CACNA1C: variants seen among roughly 807,000 people sequenced by gnomAD.
CACNA1C encodes the protein voltage-dependent L-type calcium channel subunit alpha-1C.
In CACNA1C, 30 loss-of-function variants were observed where a neutral mutation model predicts 229.0. The ratio of observed to expected loss-of-function variants is 0.13; its 90% CI spans 0.10 to 0.18. The LOEUF is 0.18. Among genes scored for constraint, CACNA1C ranks in the 10% least tolerant of loss-of-function variants. The pLI is 1.00. For missense variants in CACNA1C, 1,658 were observed against 2,845.0 expected (o/e 0.58, Z 9.49); for synonymous variants, 1,114 against 1,132.5 (o/e 0.98, Z 0.33).
intron 1 of CACNA1C, among the ~76,000 whole-genome samples, chr12:2,058,200 G>C (rs1594619654): frequency 6.6e-6 from 1 of 152,262 alleles, no homozygotes; most frequent in Non-Finnish European, 1.5e-5. Context: ...GAAGGGGTGA[G>C]TGGCTGGCAG....
intron 9 of CACNA1C, among the ~76,000 whole-genome samples, chr12:2,530,872 CTG>C (rs915981791): frequency 2.8e-4 from 43 of 152,334 alleles, no homozygotes; most frequent in Middle Eastern, 3.4e-3. Context: ...ACACGGCTAA[CTG>C]TGACATCTTT....
chr12:2,208,204 G>A (rs2097810234), intron 3 of CACNA1C, among the ~76,000 whole-genome samples: 1 of 152,174 alleles, frequency 6.6e-6, no homozygotes, highest in Non-Finnish European at 1.5e-5. Flanking sequence ...AGCGGAAAAC[G>A]TAGCATGATG....
chr12:2,351,730 G>A (rs974812723), intron 3 of CACNA1C, among the ~76,000 whole-genome samples: 1 of 152,222 alleles, frequency 6.6e-6, no homozygotes, highest in Non-Finnish European at 1.5e-5. Flanking sequence ...GCACGCCTGT[G>A]TCCTGGCTTA....
intron 1 of CACNA1C, chr12:2,010,877 G>C (rs1242832592): frequency 6.6e-6 from 1 of 152,140 alleles, no homozygotes; most frequent in Non-Finnish European, 1.5e-5. Flanking sequence ...GGTCGGGCAC[G>C]GTGGCTCACG....
intron 3 of CACNA1C, among the ~76,000 whole-genome samples, chr12:2,343,874 A>G (rs1593424654): frequency 6.6e-6 from 1 of 152,178 alleles, no homozygotes; most frequent in African/African-American, 2.4e-5. Context: ...CACACCAAAT[A>G]AGGGTCTGTT....
intron 29 of CACNA1C, among the ~76,000 whole-genome samples, chr12:2,619,521 TA>T (rs1387973418): frequency 6.6e-6 from 1 of 152,214 alleles, no homozygotes; most frequent in Non-Finnish European, 1.5e-5. Flanking sequence ...CACCATGAAA[TA>T]ACTTTAAGGC....
At chr12:2,547,411 G>T (rs1347252793) in intron 9 of CACNA1C, 1 of 778,800 alleles carries the variant, frequency 1.3e-6, no homozygotes, top group Admixed American at 1.7e-5. Flanking sequence ...TTGATGTCTT[G>T]TTCCTGGTTC....
rs921032597 is a variant in CACNA1C, at chr12:2,679,750, C to T, written c.5398C>T (p.Pro1800Ser). ...GGAGGGCCACGGGCCCCCCTTGTCC[C>T]CTGCCATCCGGGTGCAGGAGGTGGC... ...TVEGHGPPLS[P>S]AIRVQEVAWK... Residue 1800 changes from proline (P) to serine (S), a missense_variant, in exon 42 of 47, where the codon CCT becomes TCT. Physicochemically the swap from Pro to Ser is moderately conservative, Grantham distance 74. Transcript: ENST00000399655. The surrounding 1 kb of genome is among the most constrained non-coding windows in gnomAD (Gnocchi z 5.5). 50 of 1,596,908 alleles carry T rather than the reference C, an allele frequency of 3.1e-5. No homozygotes were observed. The highest frequency in any genetic ancestry group is 4.2e-5 in the Non-Finnish European group (49 of 1,171,334).
intron 3 of CACNA1C, among the ~76,000 whole-genome samples, chr12:2,359,797 C>G (rs991299099): frequency 1.3e-5 from 2 of 152,044 alleles, no homozygotes; most frequent in Non-Finnish European, 2.9e-5. Flanking sequence ...TGGCTTCCCA[C>G]TACCAGGGAA....
At chr12:2,284,391 G>T (rs1241132992) in intron 3 of CACNA1C, among the ~76,000 whole-genome samples, 1 of 151,926 alleles carries the variant, frequency 6.6e-6, no homozygotes, top group Non-Finnish European at 1.5e-5. Flanking sequence ...TACACAAGCG[G>T]CTGCTGCCAA....
intron 1 of CACNA1C, among the ~76,000 whole-genome samples, chr12:2,091,535 G>T (rs1319508682): frequency 6.6e-6 from 1 of 152,214 alleles, no homozygotes; most frequent in Non-Finnish European, 1.5e-5. Context: ...CCTGCAAAGA[G>T]AACAATGTAG....
intron 4 of CACNA1C, among the ~76,000 whole-genome samples, chr12:2,453,246 C>G (rs541968486): frequency 2.6e-5 from 4 of 152,178 alleles, no homozygotes; most frequent in Admixed American, 1.3e-4. Flanking sequence ...TCGCTCAGCC[C>G]TGCCTGGCCC....
intron 9 of CACNA1C, among the ~76,000 whole-genome samples, chr12:2,530,650 T>G (rs1319894473): frequency 6.6e-6 from 1 of 152,136 alleles, no homozygotes; most frequent in African/African-American, 2.4e-5. Context: ...TTAAAACAAA[T>G]TCAAGGGGGC....
chr12:2,100,279 C>G (rs937701333), intron 1 of CACNA1C, among the ~76,000 whole-genome samples: 2 of 151,696 alleles, frequency 1.3e-5, no homozygotes, highest in African/African-American at 4.8e-5. Flanking sequence ...AATCCCATCT[C>G]TAGTAAAAAT....
chr12:2,566,806 C>T lies in CACNA1C; in HGVS notation c.1669+224C>T, dbSNP rs932014091. ...GACACGGCTCTCCTGACTGGGCCCACACCATCAGCCTGCCCCAAAGTCACT... is the reference window on the plus strand; with the variant it reads ...GACACGGCTCTCCTGACTGGGCCCATACCATCAGCCTGCCCCAAAGTCACT... On this transcript the variant is annotated intron_variant, in intron 12 of 46. Coordinates refer to ENST00000399655, the MANE Select transcript of CACNA1C (RefSeq NM_000719.7). The surrounding 1 kb of genome is among the most constrained non-coding windows in gnomAD (Gnocchi z 4.0). Among the ~76,000 whole-genome samples the T allele has an allele frequency of 6.6e-6, 1 of 152,332 alleles. No homozygotes were observed. Among genetic ancestry groups the T allele is most frequent in the South Asian group, 2.1e-4 (1 of 4,828 alleles).
intron 3 of CACNA1C, among the ~76,000 whole-genome samples, chr12:2,437,744 G>GTAGA: frequency 6.6e-6 from 1 of 151,766 alleles, no homozygotes. Flanking sequence ...GGTGGTAATG[G>GTAGA]GGATGGTGGT....
rs1469881062 is a variant in CACNA1C at position 2,665,988 on chromosome 12, A to G, written c.4526+280A>G. ...TTGAATCACTCGAGGCCAGGAGTTC[A>G]AGACCAGCCTGGCCAACACAGTGAA... On this transcript the variant is annotated intron_variant, in intron 36 of 46. Transcript: ENST00000399655. This position sits in a 1 kb window ranked among gnomAD's most constrained non-coding sequence, Gnocchi z 5.9. Among the ~76,000 whole-genome samples, 3 of 152,156 alleles carry G rather than the reference A, an allele frequency of 2.0e-5. No homozygotes were observed. Among genetic ancestry groups the G allele is most frequent in the Non-Finnish European group, 4.4e-5 (3 of 68,022 alleles).
intron 30 of CACNA1C, among the ~76,000 whole-genome samples, chr12:2,636,962 A>G (rs1454619785): frequency 6.6e-6 from 1 of 152,158 alleles, no homozygotes; most frequent in Admixed American, 6.6e-5. Flanking sequence ...TGTGCATGTG[A>G]CTGACAGCAA....
intron 3 of CACNA1C, among the ~76,000 whole-genome samples, chr12:2,273,859 C>T (rs1038289000): frequency 1.3e-5 from 2 of 152,196 alleles, no homozygotes; most frequent in Non-Finnish European, 2.9e-5. Flanking sequence ...GTCTGTTTCC[C>T]TCAGTGCAAA....
Sources: allele counts gnomAD v4.1 joint callset (sites outside exome capture counted in the v4.1 genomes callset), GRCh38; gene constraint gnomAD v4.1.1; non-coding constraint Gnocchi (gnomAD v3.1); transcripts MANE v1.5; gene names NCBI Gene and HGNC (gene_info 2026-07-23, HGNC 2026-07-21).